ERBB4: variants seen among roughly 807,000 people sequenced by gnomAD.
ERBB4 encodes erb-b2 receptor tyrosine kinase 4, also known as receptor tyrosine-protein kinase erbB-4.
In ERBB4, 42 loss-of-function variants were observed where a neutral mutation model predicts 158.0. The ratio of observed to expected loss-of-function variants is 0.27; its 90% confidence interval spans 0.21 to 0.34. ERBB4 has a LOEUF of 0.34. Ranked by LOEUF, ERBB4 falls within the 10% of genes least tolerant of loss-of-function variation. ERBB4 has a pLI of 1.00. For missense variants in ERBB4, 1,333 were observed against 1,624.1 expected, an observed-to-expected ratio of 0.82 and a Z score of 3.08; for synonymous variants, 583 against 558.7, an observed-to-expected ratio of 1.04 and a Z score of -0.61.
chr2:211,707,448 G>C (rs1261061807), intron 9 of ERBB4, among the ~76,000 whole-genome samples: 1 of 152,036 alleles, frequency 6.6e-6, no homozygotes, highest in Admixed American at 6.6e-5. Context: ...ATAAAGCTCA[G>C]GAAAAAGAGA....
chr2:211,448,973 C>A (rs1330996455), intron 20 of ERBB4, among the ~76,000 whole-genome samples: 1 of 152,046 alleles, frequency 6.6e-6, no homozygotes, highest in East Asian at 1.9e-4. Context: ...TCTATTAAGA[C>A]AAATTAATAA....
At chr2:211,474,767 G>C (rs1247430183) in intron 20 of ERBB4, among the ~76,000 whole-genome samples, 2 of 152,162 alleles carry the variant, frequency 1.3e-5, no homozygotes, top group Non-Finnish European at 2.9e-5. Context: ...TAAAGCTTTG[G>C]TTTGGATGAG....
intron 2 of ERBB4, among the ~76,000 whole-genome samples, chr2:211,998,645 G>A (rs771769455): frequency 3.0e-4 from 45 of 151,582 alleles, no homozygotes; most frequent in Non-Finnish European, 5.3e-4. Context: ...TCTTGCTCAA[G>A]GTATGAAATG....
intron 5 of ERBB4, among the ~76,000 whole-genome samples, chr2:211,735,800 T>C (rs1217431111): frequency 1.3e-5 from 2 of 151,986 alleles, no homozygotes; most frequent in African/African-American, 2.4e-5. Flanking sequence ...TTTGAGTATA[T>C]ACAGAAGAAT....
rs2069735440 is a variant in ERBB4 at position 211,623,972 on chromosome 2, G to A, written c.2152C>T (p.Leu718=). Residue 718 remains leucine, a synonymous_variant, in exon 18 of 28, where the codon CTG becomes TTG. Coordinates refer to ENST00000342788, the MANE Select transcript of ERBB4 (RefSeq NM_005235.3). ...GAGCCAAGGACTTTTACCCTCTTCA[G>A]CTCAGTTTCTTTCAAAATACGAAGT... The part of the protein sequence containing the change: ...AQLRILKETE[L]KRVKVLGSGA... The A allele has an allele frequency of 6.2e-7, 1 of 1,614,078 alleles. No individual in the cohort carries two copies. The highest frequency in any genetic ancestry group is 8.5e-7 in the Non-Finnish European group (1 of 1,179,980).
At chr2:212,129,479 G>T (rs571116301) in intron 1 of ERBB4, among the ~76,000 whole-genome samples, 1 of 151,142 alleles carries the variant, frequency 6.6e-6, no homozygotes, top group Non-Finnish European at 1.5e-5. Flanking sequence ...ATATTCATAA[G>T]TTCTCATTAA....
chr2:212,169,752 C>A (rs1177938889), intron 1 of ERBB4, among the ~76,000 whole-genome samples: 2 of 152,054 alleles, frequency 1.3e-5, no homozygotes, highest in South Asian at 4.1e-4. Context: ...CTGTTCTTGT[C>A]ATAGTAAGTG....
intron 1 of ERBB4, among the ~76,000 whole-genome samples, chr2:212,205,594 A>G (rs1471411697): frequency 6.6e-6 from 1 of 152,202 alleles, no homozygotes; most frequent in Non-Finnish European, 1.5e-5. Flanking sequence ...AAATCCTCAA[A>G]TATTAAAATT....
At chr2:212,286,625 C>CA (rs1553611218) in intron 1 of ERBB4, among the ~76,000 whole-genome samples, 5 of 42,970 alleles carry the variant, frequency 1.2e-4, no homozygotes, top group African/African-American at 3.2e-4. Context: ...TTTTTTGACA[C>CA]AGAGTCTCGC....
chr2:212,500,373 A>C (rs1312096588), intron 1 of ERBB4, among the ~76,000 whole-genome samples: 1 of 152,184 alleles, frequency 6.6e-6, no homozygotes, highest in African/African-American at 2.4e-5. Context: ...AACTGGGTAG[A>C]CAATAATTTG....
chr2:211,793,987 G>A (rs778087622), intron 3 of ERBB4, among the ~76,000 whole-genome samples: 2 of 151,806 alleles, frequency 1.3e-5, no homozygotes, highest in Admixed American at 6.6e-5. Flanking sequence ...AATGAGTGAC[G>A]TAACCTTCTA....
chr2:212,533,710 T>C (rs979530045), intron 1 of ERBB4, among the ~76,000 whole-genome samples: 7 of 152,076 alleles, frequency 4.6e-5, no homozygotes, highest in African/African-American at 1.4e-4. Context: ...CTTCAGAAAA[T>C]GAGTATTAGA....
intron 21 of ERBB4, among the ~76,000 whole-genome samples, 163 bp from the exon 22 acceptor site, chr2:211,428,646 CTATAAATATATGTTAATT>C (rs1307306120): frequency 4.8e-4 from 73 of 152,058 alleles, no homozygotes; most frequent in African/African-American, 1.7e-3. Context: ...ATGACTATAA[CTATAAATATATGTTAATT>C]TATAAAATAC....
intron 1 of ERBB4, among the ~76,000 whole-genome samples, chr2:212,489,840 T>C (rs1018270087): frequency 2.0e-5 from 3 of 151,766 alleles, no homozygotes; most frequent in Non-Finnish European, 2.9e-5. Flanking sequence ...AATATACAAC[T>C]TCCTCTGTGA....
chr2:212,380,655 A>C (rs2090473990), intron 1 of ERBB4, among the ~76,000 whole-genome samples: 1 of 150,884 alleles, frequency 6.6e-6, no homozygotes, highest in South Asian at 2.1e-4. Context: ...TTTTATTTTA[A>C]TGTATTAAGA....
intron 1 of ERBB4, among the ~76,000 whole-genome samples, chr2:212,261,856 T>C (rs2084958175): frequency 6.6e-6 from 1 of 152,156 alleles, no homozygotes; most frequent in Non-Finnish European, 1.5e-5. Flanking sequence ...AAAAATGCAC[T>C]CTGTTTTTAT....
At chr2:211,523,936 A>C (rs141111783) in intron 20 of ERBB4, among the ~76,000 whole-genome samples, 18,447 of 150,864 alleles carry the variant, frequency 0.12, 1,922 homozygotes, top group African/African-American at 0.29. Context: ...CTGAGCTAGA[A>C]ACAAAGGTTC....
intron 1 of ERBB4, among the ~76,000 whole-genome samples, chr2:212,389,110 G>T (rs1408549046): frequency 6.6e-6 from 1 of 152,024 alleles, no homozygotes; most frequent in African/African-American, 2.4e-5. Context: ...AATTTCAGGT[G>T]GCAGTTTCAC....
At chr2:212,295,993 G>GT (rs1448985270) in intron 1 of ERBB4, among the ~76,000 whole-genome samples, 1 of 151,824 alleles carries the variant, frequency 6.6e-6, no homozygotes, top group East Asian at 1.9e-4. Context: ...TTTTTAATTT[G>GT]TTTTTTGAGG....
Sources: gnomAD v4.1 joint callset for allele counts (sites outside exome capture counted in the v4.1 genomes callset) on GRCh38, gnomAD v4.1.1 for gene constraint, MANE v1.5 for transcripts, NCBI Gene and HGNC (gene_info 2026-07-23, HGNC 2026-07-21) for gene names.